The following CAP2 variants were observed in gnomAD, a reference collection of about 807,000 sequenced individuals.
CAP2 encodes cyclase associated actin cytoskeleton regulatory protein 2, also known as adenylyl cyclase-associated protein 2.
A neutral mutation model predicts 57.7 loss-of-function variants in CAP2; 24 were observed. The observed-to-expected ratio is 0.42, with a 90% confidence interval of 0.30 to 0.58. The LOEUF (loss-of-function observed/expected upper bound fraction) is 0.58. Among genes scored for constraint, CAP2 ranks in the 20% least tolerant of loss-of-function variants. The probability of loss-of-function intolerance (pLI) is 0.22; values close to 1 mark genes in which losing one functional copy is unlikely to be tolerated. For synonymous variants in CAP2, 194 were observed against 207.2 expected (o/e 0.94, Z 0.55); for missense variants, 501 against 590.3 (o/e 0.85, Z 1.57).
chr6:17,445,309 G>A (rs567961168), intron 3 of CAP2, among the ~76,000 whole-genome samples: 28 of 152,316 alleles, frequency 1.8e-4, no homozygotes, highest in Non-Finnish European at 3.4e-4. Context: ...GTTTCACCAC[G>A]TTGGCCAGGC....
chr6:17,430,123 C>G (rs1759688384), intron 3 of CAP2, among the ~76,000 whole-genome samples: 1 of 152,218 alleles, frequency 6.6e-6, no homozygotes, highest in Non-Finnish European at 1.5e-5. Flanking sequence ...GATTTAACGT[C>G]TGTCTCGATG....
intron 7 of CAP2, among the ~76,000 whole-genome samples, chr6:17,529,653 T>A (rs59287149): frequency 0.51 from 57,551 of 112,230 alleles, 12,664 homozygotes; most frequent in Non-Finnish European, 0.53. Context: ...AAAAAAAAAA[T>A]ATATATATAT....
intron 3 of CAP2, among the ~76,000 whole-genome samples, chr6:17,454,457 C>T (rs966121368): frequency 1.4e-4 from 22 of 152,252 alleles, no homozygotes; most frequent in African/African-American, 5.1e-4. Context: ...ATTCTGTCCT[C>T]GGCCTGCAGC....
intron 3 of CAP2, among the ~76,000 whole-genome samples, chr6:17,429,278 C>T (rs1206768149): frequency 6.6e-6 from 1 of 152,144 alleles, no homozygotes; most frequent in Non-Finnish European, 1.5e-5. Context: ...TGAACATTTT[C>T]TGTCTTGAAC....
At chr6:17,430,831 C>G (rs996965327) in intron 3 of CAP2, among the ~76,000 whole-genome samples, 1 of 152,168 alleles carries the variant, frequency 6.6e-6, no homozygotes, top group Non-Finnish European at 1.5e-5. Flanking sequence ...GCCACTGCAC[C>G]CGGCCATTAG....
intron 12 of CAP2, 107 bp from the exon 13 acceptor site, chr6:17,556,252 C>T: frequency 1.3e-6 from 1 of 761,890 alleles, no homozygotes; most frequent in South Asian, 1.6e-5. Context: ...ATTTCTTTGC[C>T]TATCATGTGG....
At position 17,532,081 on chromosome 6, in the gene CAP2, T is replaced by C. The variant is rs1434449181; in HGVS notation, c.637-7188T>C. ...CACTTTTAATCCAACTATTAAGAGT[T>C]AGATTCTACTCAAACCAAATTCTCT... is the stretch of plus-strand genomic sequence containing the variant. On this transcript the variant is annotated intron_variant, in intron 7 of 12. Coordinates refer to ENST00000229922, the MANE Select transcript of CAP2 (RefSeq NM_006366.3). 2.0e-5 allele frequency among the ~76,000 whole-genome samples: 3 copies of C among 152,098 alleles called. No homozygotes were observed. In the East Asian group the frequency reaches 5.8e-4, roughly 29 times the overall value.
chr6:17,402,524 G>A (rs1390244805), intron 1 of CAP2, among the ~76,000 whole-genome samples: 1 of 152,050 alleles, frequency 6.6e-6, no homozygotes, highest in African/African-American at 2.4e-5. Context: ...GATATTAAAG[G>A]ATAAACTCTA....
intron 3 of CAP2, among the ~76,000 whole-genome samples, chr6:17,444,774 A>G (rs1310965219): frequency 1.3e-5 from 2 of 149,962 alleles, no homozygotes; most frequent in East Asian, 2.0e-4. Context: ...TTAGATTGCC[A>G]TGTCTCTGTA....
intron 6 of CAP2, among the ~76,000 whole-genome samples, chr6:17,511,396 T>C (rs16879766): frequency 0.067 from 10,171 of 152,152 alleles, 489 homozygotes; most frequent in Admixed American, 0.13. Context: ...AGCAGTGAAA[T>C]CTGTATCTGT....
intron 1 of CAP2, among the ~76,000 whole-genome samples, chr6:17,419,877 A>C (rs1000106355): frequency 1.3e-5 from 2 of 150,086 alleles, no homozygotes; most frequent in Non-Finnish European, 3.0e-5. Context: ...ATTTTATTTT[A>C]TTTATTTATT....
intron 4 of CAP2, among the ~76,000 whole-genome samples, chr6:17,501,146 T>G (rs1167339925): frequency 6.6e-6 from 1 of 152,228 alleles, no homozygotes; most frequent in Admixed American, 6.5e-5. Context: ...GATGGGATTT[T>G]ATTTGTGTGC....
intron 3 of CAP2, among the ~76,000 whole-genome samples, chr6:17,443,040 A>T (rs1760136526): frequency 6.6e-6 from 1 of 152,134 alleles, no homozygotes; most frequent in Non-Finnish European, 1.5e-5. Flanking sequence ...TTAAAAAAAT[A>T]AAACTCTTGA....
chr6:17,394,338 C>T (rs1460171358), intron 1 of CAP2, among the ~76,000 whole-genome samples: 1 of 152,086 alleles, frequency 6.6e-6, no homozygotes, highest in African/African-American at 2.4e-5. Flanking sequence ...AAACGGCACC[C>T]GCCGCTGGCT....
intron 1 of CAP2, among the ~76,000 whole-genome samples, chr6:17,397,643 C>T (rs557707431): frequency 3.6e-5 from 5 of 138,536 alleles, no homozygotes; most frequent in South Asian, 2.2e-4. Context: ...TGCAGTGAGC[C>T]GAGATCGCGC....
intron 6 of CAP2, among the ~76,000 whole-genome samples, chr6:17,511,103 A>G (rs1021724743): frequency 5.3e-5 from 8 of 152,202 alleles, no homozygotes; most frequent in African/African-American, 1.9e-4. Context: ...TCAGTGGACT[A>G]CCTCAAGACT....
At chr6:17,446,398 A>G (rs947029168) in intron 3 of CAP2, among the ~76,000 whole-genome samples, 3 of 152,136 alleles carry the variant, frequency 2.0e-5, no homozygotes, top group African/African-American at 7.2e-5. Flanking sequence ...TTTTCTTTAT[A>G]TGAGTATATA....
chr6:17,482,672 TTTA>T (rs1202654217), intron 4 of CAP2, among the ~76,000 whole-genome samples: 1 of 152,186 alleles, frequency 6.6e-6, no homozygotes, highest in Non-Finnish European at 1.5e-5. Context: ...ATACTCCGTC[TTTA>T]TGTTCACGTG....
At chr6:17,535,758 T>A (rs1762758055) in intron 7 of CAP2, among the ~76,000 whole-genome samples, 1 of 152,188 alleles carries the variant, frequency 6.6e-6, no homozygotes, top group South Asian at 2.1e-4. Flanking sequence ...ACAGTCCCAG[T>A]AATATGGTTG....
Sources: allele counts gnomAD v4.1 joint callset (sites outside exome capture counted in the v4.1 genomes callset), GRCh38; gene constraint gnomAD v4.1.1; transcripts MANE v1.5; gene names NCBI Gene and HGNC (gene_info 2026-07-23, HGNC 2026-07-21).